PRKN: variants seen among roughly 807,000 people sequenced by gnomAD.
PRKN encodes parkin RBR E3 ubiquitin protein ligase, also known as E3 ubiquitin-protein ligase parkin.
In PRKN, 56 loss-of-function variants were observed where a neutral mutation model predicts 59.5. The ratio of observed to expected loss-of-function variants is 0.94; its 90% CI spans 0.76 to 1.18. PRKN has a LOEUF of 1.18. Ranked by LOEUF, PRKN falls within the 50% of genes most tolerant of loss-of-function variation. The probability of loss-of-function intolerance (pLI) is 0.00; values close to 1 mark genes in which losing one functional copy is unlikely to be tolerated. For missense variants in PRKN, 657 were observed against 596.4 expected, an observed-to-expected ratio of 1.10 and a Z score of -1.06; for synonymous variants, 250 against 222.1, an observed-to-expected ratio of 1.13 and a Z score of -1.12.
Position 161,530,082 on chromosome 6 carries a change from A to G in PRKN, c.1083+18772T>C, listed in dbSNP as rs77268152. Among the ~76,000 whole-genome samples the G allele has an allele frequency of 6.6e-6, 1 of 152,062 alleles. No homozygotes were observed. The highest frequency in any genetic ancestry group is 2.4e-5 in the African/African-American group (1 of 41,374). ...ACACCACTCTGATGTTTTAGCCAACAGTTTTTTCACTGGGCCGTGGCTGTG... is the reference window on the plus strand; with the variant it reads ...ACACCACTCTGATGTTTTAGCCAACGGTTTTTTCACTGGGCCGTGGCTGTG... On this transcript the variant is annotated intron_variant, in intron 9 of 11. Transcript: ENST00000366898. This position sits in a 1 kb window ranked among gnomAD's most constrained non-coding sequence, Gnocchi z 5.0.
At chr6:161,368,235 G>A (rs1162868925) in intron 10 of PRKN, among the ~76,000 whole-genome samples, 1 of 127,828 alleles carries the variant, frequency 7.8e-6, no homozygotes, top group Non-Finnish European at 1.7e-5. Context: ...GAAACATGGT[G>A]AAACCCTGTC....
chr6:162,696,939 G>A (rs2128236099), intron 1 of PRKN, among the ~76,000 whole-genome samples: 1 of 152,184 alleles, frequency 6.6e-6, no homozygotes, highest in East Asian at 1.9e-4. Context: ...AAAAAGTAAA[G>A]TTATTTTTAA....
chr6:161,983,841 G>T (rs1781334964), intron 5 of PRKN, among the ~76,000 whole-genome samples: 2 of 118,942 alleles, frequency 1.7e-5, no homozygotes, highest in African/African-American at 3.5e-5. Flanking sequence ...CACCAGCACG[G>T]CACATGTATA....
At chr6:162,534,296 A>G (rs1476348833) in intron 1 of PRKN, among the ~76,000 whole-genome samples, 1 of 152,094 alleles carries the variant, frequency 6.6e-6, no homozygotes, top group Non-Finnish European at 1.5e-5. Flanking sequence ...CTCCACTTCC[A>G]GAAGCTTCTT....
At chr6:162,709,002 C>T (rs1440955179) in intron 1 of PRKN, among the ~76,000 whole-genome samples, 2 of 152,104 alleles carry the variant, frequency 1.3e-5, no homozygotes, top group African/African-American at 2.4e-5. Flanking sequence ...CTCACCGGAG[C>T]GTGAACCCTA....
At chr6:161,878,205 C>T (rs1223988403) in intron 6 of PRKN, among the ~76,000 whole-genome samples, 2 of 152,028 alleles carry the variant, frequency 1.3e-5, no homozygotes, top group South Asian at 2.1e-4. Flanking sequence ...CCAGTCGGCT[C>T]GATGTCAAAA....
chr6:161,984,817 C>T (rs924249088), intron 5 of PRKN, among the ~76,000 whole-genome samples: 23 of 152,144 alleles, frequency 1.5e-4, no homozygotes, highest in African/African-American at 4.1e-4. Context: ...TGACTCCAAA[C>T]GCTTTAGAAC....
In PRKN at chr6:161,402,816, A is replaced by G. The variant is rs1336035320; in HGVS notation, c.1084-15939T>C. 6.6e-6 allele frequency among the ~76,000 whole-genome samples: 1 copy of G among 152,102 alleles called. No individual in the cohort carries two copies. The highest frequency in any genetic ancestry group is 2.4e-5 in the African/African-American group (1 of 41,412). ...TAAAGGTTGTCTTATTATGTAGATA[A>G]ACAATCTCTCAGGTAATAAAAGTTG... is the stretch of plus-strand genomic sequence containing the variant. On this transcript the variant is annotated intron_variant, in intron 9 of 11. Transcript: ENST00000366898. The surrounding 1 kb of genome is among the most constrained non-coding windows in gnomAD (Gnocchi z 4.5).
chr6:161,691,791 C>A (rs1410749943), intron 7 of PRKN, among the ~76,000 whole-genome samples: 1 of 152,226 alleles, frequency 6.6e-6, no homozygotes, highest in Non-Finnish European at 1.5e-5. Context: ...ATTGCTCTTT[C>A]ATCCACAGCA....
Position 162,105,334 on chromosome 6 carries a change from T to C in PRKN, c.535-51160A>G, listed in dbSNP as rs190280421. 9.7e-4 allele frequency among the ~76,000 whole-genome samples: 148 copies of C among 152,218 alleles called. 1 individual carries two copies. The highest frequency in any genetic ancestry group is 3.4e-3 in the African/African-American group (140 of 41,528). Reference sequence around the variant, plus strand: ...AGCCAAACCACATCAAAATAAAGAATGGAACTAACAAATAATGCCTTCAAG... The same window carrying C: ...AGCCAAACCACATCAAAATAAAGAACGGAACTAACAAATAATGCCTTCAAG... On this transcript the variant is annotated intron_variant, in intron 4 of 11. Transcript: ENST00000366898.
intron 7 of PRKN, among the ~76,000 whole-genome samples, chr6:161,756,634 T>A (rs948594398): frequency 1.3e-5 from 2 of 151,846 alleles, no homozygotes; most frequent in Admixed American, 6.6e-5. Context: ...TGTCTTTATG[T>A]CTTTCTTTTT....
chr6:162,348,098 T>TA (rs1313988961), intron 2 of PRKN, among the ~76,000 whole-genome samples: 38 of 152,128 alleles, frequency 2.5e-4, no homozygotes, highest in Non-Finnish European at 5.6e-4. Context: ...AAAAAGAACC[T>TA]ACCCAAAAGG....
rs987263089 is a variant in PRKN at position 161,459,744 on chromosome 6, A to T, written c.1084-72867T>A. Among the ~76,000 whole-genome samples, 2 of 152,124 alleles carry T rather than the reference A, an allele frequency of 1.3e-5. No homozygotes were observed. The highest frequency in any genetic ancestry group is 4.8e-5 in the African/African-American group (2 of 41,408). On this transcript the variant is annotated intron_variant, in intron 9 of 11. Coordinates refer to ENST00000366898, the MANE Select transcript of PRKN (RefSeq NM_004562.3). The surrounding 1 kb of genome is among the most constrained non-coding windows in gnomAD (Gnocchi z 4.8). The stretch of plus-strand genomic sequence containing the variant: ...ACTAGCTAACTGGTGCCACCATAAC[A>T]TTTGCTATAATTATAACAGTTCAGT...
intron 7 of PRKN, among the ~76,000 whole-genome samples, chr6:161,657,665 A>G (rs1784399183): frequency 6.6e-6 from 1 of 152,142 alleles, no homozygotes; most frequent in Admixed American, 6.6e-5. Flanking sequence ...GTTTCTTGAC[A>G]CAGCCTCACT....
Position 162,012,230 on chromosome 6 carries a change from C to A in PRKN, c.619-38813G>T, listed in dbSNP as rs960567334. 1.6e-4 allele frequency among the ~76,000 whole-genome samples: 24 copies of A among 152,002 alleles called. 1 individual carries two copies. Among genetic ancestry groups the A allele is most frequent in the Non-Finnish European group, 3.4e-4 (23 of 67,988 alleles). ...CAACTTCAGATATATAGAACAGTTG[C>A]AAAAATTGTACAAAGAACTCTTACA... On this transcript the variant is annotated intron_variant, in intron 5 of 11. Transcript: ENST00000366898.
At chr6:161,516,638 G>C (rs1040807414) in intron 9 of PRKN, among the ~76,000 whole-genome samples, 1 of 151,108 alleles carries the variant, frequency 6.6e-6, no homozygotes, top group African/African-American at 2.4e-5. Flanking sequence ...GACCAGCCTG[G>C]CCAACGTGGT....
intron 1 of PRKN, among the ~76,000 whole-genome samples, chr6:162,717,108 C>CAAGATTTGATGGCAGTAA (rs1778759718): frequency 6.6e-6 from 1 of 152,106 alleles, no homozygotes; most frequent in Admixed American, 6.5e-5. Flanking sequence ...GAAGGCAGAG[C>CAAGATTTGATGGCAGTAA]AAGATTTGAT....
At chr6:161,822,050 G>C (rs1792054128) in intron 6 of PRKN, among the ~76,000 whole-genome samples, 1 of 151,988 alleles carries the variant, frequency 6.6e-6, no homozygotes, top group Admixed American at 6.6e-5. Flanking sequence ...TAAGTTGCTT[G>C]GCTATTGACA....
In PRKN at chr6:161,993,969, T is replaced by C. The variant is rs1172177191; in HGVS notation, c.619-20552A>G. Among the ~76,000 whole-genome samples the C allele has an allele frequency of 2.0e-5, 3 of 152,280 alleles. No homozygotes were observed. In the East Asian group the frequency reaches 5.8e-4, roughly 29 times the overall value. On this transcript the variant is annotated intron_variant, in intron 5 of 11. Coordinates refer to ENST00000366898, the MANE Select transcript of PRKN (RefSeq NM_004562.3). ...CCTTACCTGAGACAGGGCATTAATCTATTCATGAGGAACTGCTCCCATGAC... is the reference window on the plus strand; with the variant it reads ...CCTTACCTGAGACAGGGCATTAATCCATTCATGAGGAACTGCTCCCATGAC...
Sources: allele counts gnomAD v4.1 joint callset (sites outside exome capture counted in the v4.1 genomes callset), GRCh38; gene constraint gnomAD v4.1.1; non-coding constraint Gnocchi (gnomAD v3.1); transcripts MANE v1.5; gene names NCBI Gene and HGNC (gene_info 2026-07-23, HGNC 2026-07-21).